The following BMPR2 variants were observed in gnomAD, a reference collection of about 807,000 sequenced individuals.
BMPR2 encodes bone morphogenetic protein receptor type 2, also known as bone morphogenetic protein receptor type-2.
A neutral mutation model predicts 100.8 loss-of-function variants in BMPR2; 29 were observed. The ratio of observed to expected loss-of-function variants is 0.29; its 90% confidence interval spans 0.21 to 0.39. BMPR2 has a LOEUF of 0.39. Ranked by LOEUF, BMPR2 falls within the 10% of genes least tolerant of loss-of-function variation. The probability of loss-of-function intolerance (pLI) is 1.00; values close to 1 mark genes in which losing one functional copy is unlikely to be tolerated. For missense variants in BMPR2, 1,011 were observed against 1,274.5 expected, an observed-to-expected ratio of 0.79 and a Z score of 3.15; for synonymous variants, 382 against 442.3, an observed-to-expected ratio of 0.86 and a Z score of 1.71.
At chr2:202,469,040 G>GT (rs973883903) in intron 3 of BMPR2, among the ~76,000 whole-genome samples, 8 of 151,648 alleles carry the variant, frequency 5.3e-5, no homozygotes, top group African/African-American at 9.7e-5. Context: ...GTTTTGTTTT[G>GT]TTTTTTTGAG....
chr2:202,442,004 G>C (rs908735788), intron 1 of BMPR2, among the ~76,000 whole-genome samples: 4 of 150,012 alleles, frequency 2.7e-5, no homozygotes, highest in African/African-American at 1.0e-4. Context: ...TTGCACTCCA[G>C]CCTGGGGGAC....
At chr2:202,501,524 C>G (rs960317983) in intron 3 of BMPR2, among the ~76,000 whole-genome samples, 15 of 152,222 alleles carry the variant, frequency 9.9e-5, no homozygotes, top group Non-Finnish European at 2.2e-4. Flanking sequence ...AGTCCTTACT[C>G]AGACTCGTGG....
chr2:202,530,638 TA>T (rs1294085762), intron 7 of BMPR2, among the ~76,000 whole-genome samples, 155 bp from the exon 8 acceptor site: 1 of 152,072 alleles, frequency 6.6e-6, no homozygotes, highest in Non-Finnish European at 1.5e-5. Context: ...TATTAGAAAA[TA>T]GTGATGAGTG....
At chr2:202,553,843 C>A (rs1304092454) in intron 11 of BMPR2, among the ~76,000 whole-genome samples, 2 of 152,076 alleles carry the variant, frequency 1.3e-5, no homozygotes, top group Non-Finnish European at 2.9e-5. Flanking sequence ...CACGAGCCAC[C>A]ACGCCCAGCT....
intron 3 of BMPR2, among the ~76,000 whole-genome samples, chr2:202,507,132 T>C (rs147826737): frequency 6.6e-6 from 1 of 151,516 alleles, no homozygotes; most frequent in Non-Finnish European, 1.5e-5. Context: ...CCTCCTCACA[T>C]GTACAGTGGT....
At chr2:202,452,831 G>A (rs1692015211) in intron 1 of BMPR2, among the ~76,000 whole-genome samples, 2 of 152,188 alleles carry the variant, frequency 1.3e-5, no homozygotes, top group Non-Finnish European at 2.9e-5. Flanking sequence ...AAGAATTATG[G>A]GGATTGTGTG....
intron 3 of BMPR2, among the ~76,000 whole-genome samples, chr2:202,511,773 CT>C (rs1687629749): frequency 6.6e-6 from 1 of 152,040 alleles, no homozygotes; most frequent in Non-Finnish European, 1.5e-5. Flanking sequence ...AATCCCAGCA[CT>C]TTGGGAGGCC....
At chr2:202,392,923 C>T (rs1431475665) in intron 1 of BMPR2, among the ~76,000 whole-genome samples, 2 of 143,372 alleles carry the variant, frequency 1.4e-5, no homozygotes, top group Non-Finnish European at 3.0e-5. Flanking sequence ...ACCCAGGAGG[C>T]GGAGGTTGCG....
At chr2:202,468,826 G>A (rs1245958906) in intron 3 of BMPR2, among the ~76,000 whole-genome samples, 3 of 152,046 alleles carry the variant, frequency 2.0e-5, no homozygotes, top group Non-Finnish European at 2.9e-5. Flanking sequence ...CATATAGTAG[G>A]CTGTCTTGTA....
intron 9 of BMPR2, among the ~76,000 whole-genome samples, chr2:202,541,900 T>G (rs906770916): frequency 2.6e-5 from 4 of 151,956 alleles, no homozygotes; most frequent in Non-Finnish European, 4.4e-5. Context: ...TCACCTGAGG[T>G]CAGGAGTTCA....
At chr2:202,401,880 T>C (rs566108060) in intron 1 of BMPR2, among the ~76,000 whole-genome samples, 2 of 152,372 alleles carry the variant, frequency 1.3e-5, no homozygotes, top group South Asian at 4.1e-4. Flanking sequence ...TTGTTCTGTA[T>C]GATGCAGTAA....
chr2:202,525,660 A>G (rs1248921188), intron 7 of BMPR2, among the ~76,000 whole-genome samples: 2 of 152,022 alleles, frequency 1.3e-5, no homozygotes, highest in Non-Finnish European at 2.9e-5. Context: ...CTGGTAATAT[A>G]GTTGTTGTTG....
At chr2:202,408,370 C>T (rs923259219) in intron 1 of BMPR2, among the ~76,000 whole-genome samples, 8 of 152,282 alleles carry the variant, frequency 5.3e-5, no homozygotes, top group African/African-American at 1.9e-4. Flanking sequence ...AAATATCCAC[C>T]TAAGTGCACC....
At chr2:202,385,586 G>A (rs1226047583) in intron 1 of BMPR2, among the ~76,000 whole-genome samples, 1 of 145,726 alleles carries the variant, frequency 6.9e-6, no homozygotes, top group African/African-American at 2.5e-5. Context: ...GGCTGGTCTC[G>A]AACTCCTGAC....
intron 7 of BMPR2, among the ~76,000 whole-genome samples, chr2:202,521,528 C>G (rs1411197937): frequency 6.6e-6 from 1 of 151,832 alleles, no homozygotes; most frequent in Non-Finnish European, 1.5e-5. Flanking sequence ...AATCACACCA[C>G]TGTATTCCAG....
At chr2:202,479,267 A>G (rs952338914) in intron 3 of BMPR2, among the ~76,000 whole-genome samples, 3 of 152,196 alleles carry the variant, frequency 2.0e-5, no homozygotes, top group African/African-American at 7.2e-5. Context: ...ACTGAGGCCC[A>G]TAGTCCAACA....
At chr2:202,544,180 A>G (rs1483354863) in intron 10 of BMPR2, among the ~76,000 whole-genome samples, 1 of 152,134 alleles carries the variant, frequency 6.6e-6, no homozygotes. Context: ...TCATCATCAA[A>G]TGATTTCTTT....
intron 3 of BMPR2, among the ~76,000 whole-genome samples, chr2:202,504,024 T>G (rs1687463416): frequency 6.6e-6 from 1 of 152,012 alleles, no homozygotes; most frequent in African/African-American, 2.4e-5. Flanking sequence ...AGAACCTTTG[T>G]GTCGACACTC....
intron 1 of BMPR2, among the ~76,000 whole-genome samples, chr2:202,457,377 T>C (rs1692133725): frequency 6.6e-6 from 1 of 151,684 alleles, no homozygotes; most frequent in African/African-American, 2.4e-5. Flanking sequence ...ATCATGAACA[T>C]GATATAATAA....
Sources: allele counts gnomAD v4.1 joint callset (sites outside exome capture counted in the v4.1 genomes callset), GRCh38; gene constraint gnomAD v4.1.1; transcripts MANE v1.5; gene names NCBI Gene and HGNC (gene_info 2026-07-23, HGNC 2026-07-21).